Variants in ESRRG observed in about 807,000 individuals in gnomAD.
The protein encoded by ESRRG is estrogen related receptor gamma, also known as estrogen-related receptor gamma.
ESRRG carries 13 observed loss-of-function variants against 44.0 expected under a neutral mutation model. The observed-to-expected ratio is 0.30, with a 90% CI of 0.19 to 0.47. The LOEUF is 0.47. Among genes scored for constraint, ESRRG ranks in the 20% least tolerant of loss-of-function variants. The pLI is 1.00. For missense variants in ESRRG, 395 were observed against 580.6 expected, an observed-to-expected ratio of 0.68 and a Z score of 3.29; for synonymous variants, 215 against 214.6, an observed-to-expected ratio of 1.00 and a Z score of -0.02.
At chr1:216,931,436 T>TTATTCTGGAAAATATTCTGGAA (rs2063327041) in intron 2 of ESRRG, among the ~76,000 whole-genome samples, 1 of 152,138 alleles carries the variant, frequency 6.6e-6, no homozygotes, top group Non-Finnish European at 1.5e-5. Flanking sequence ...TGCTCCTTCC[T>TTATTCTGGAAAATATTCTGGAA]TATTCTGGAA....
At chr1:216,631,057 G>A (rs1017181518) in intron 3 of ESRRG, among the ~76,000 whole-genome samples, 1 of 150,470 alleles carries the variant, frequency 6.6e-6, no homozygotes, top group East Asian at 1.9e-4. Context: ...CTAGGAAGCT[G>A]AGTCCATCAG....
chr1:216,762,795 T>C (rs2092865470), intron 2 of ESRRG, among the ~76,000 whole-genome samples: 1 of 152,032 alleles, frequency 6.6e-6, no homozygotes, highest in Non-Finnish European at 1.5e-5. Context: ...CAACAGTTCT[T>C]AGGTCTAAAA....
chr1:216,675,620 G>T (rs530663925), intron 2 of ESRRG, among the ~76,000 whole-genome samples: 1 of 152,156 alleles, frequency 6.6e-6, no homozygotes, highest in Admixed American at 6.5e-5. Context: ...AGAGCAGGGG[G>T]TCTAAATTTG....
At chr1:217,032,777 A>T in intron 1 of ESRRG, among the ~76,000 whole-genome samples, 1 of 152,232 alleles carries the variant, frequency 6.6e-6, no homozygotes, top group East Asian at 1.9e-4. Flanking sequence ...ATGCTATGAA[A>T]ATATTCTCAT....
intron 1 of ESRRG, among the ~76,000 whole-genome samples, chr1:217,065,402 T>C (rs1403430265): frequency 2.0e-5 from 3 of 152,212 alleles, no homozygotes; most frequent in Non-Finnish European, 4.4e-5. Flanking sequence ...GAAATTCTGT[T>C]GTTAAAGGTG....
intron 2 of ESRRG, among the ~76,000 whole-genome samples, chr1:216,879,433 T>C: frequency 7.1e-6 from 1 of 139,868 alleles, no homozygotes; most frequent in East Asian, 2.1e-4. Flanking sequence ...TGTCCCAGTT[T>C]CATAAAGTGA....
intron 1 of ESRRG, among the ~76,000 whole-genome samples, chr1:217,053,718 T>C (rs371832219): frequency 6.6e-6 from 1 of 152,136 alleles, no homozygotes; most frequent in African/African-American, 2.4e-5. Flanking sequence ...AGTTGTTTTG[T>C]TTTTTACCCT....
At chr1:216,791,448 T>C (rs1401034609) in intron 2 of ESRRG, among the ~76,000 whole-genome samples, 3 of 152,120 alleles carry the variant, frequency 2.0e-5, no homozygotes, top group African/African-American at 7.2e-5. Flanking sequence ...ATTAAACTTC[T>C]GTTCTTATAA....
chr1:217,125,683 A>C (rs533125313), intron 1 of ESRRG, among the ~76,000 whole-genome samples: 1 of 152,360 alleles, frequency 6.6e-6, no homozygotes, highest in African/African-American at 2.4e-5. Context: ...GAACACCTCA[A>C]GTAAGAACAA....
intron 1 of ESRRG, among the ~76,000 whole-genome samples, chr1:217,086,047 T>G (rs2151532123): frequency 6.6e-6 from 1 of 152,312 alleles, no homozygotes; most frequent in African/African-American, 2.4e-5. Context: ...TTTGACTTTA[T>G]GAAGATATTT....
At chr1:216,690,105 T>C (rs2078788901) in intron 1 of ESRRG, among the ~76,000 whole-genome samples, 1 of 152,096 alleles carries the variant, frequency 6.6e-6, no homozygotes. Flanking sequence ...TCCTAGATAT[T>C]CACTACAAGT....
chr1:216,687,553 CT>C (rs1315950883), intron 1 of ESRRG, among the ~76,000 whole-genome samples: 2 of 152,114 alleles, frequency 1.3e-5, no homozygotes. Context: ...AAGAGGAAAC[CT>C]TAGTACTTGG....
At chr1:216,980,250 C>T (rs1373166888) in intron 1 of ESRRG, among the ~76,000 whole-genome samples, 1 of 152,160 alleles carries the variant, frequency 6.6e-6, no homozygotes, top group East Asian at 1.9e-4. Context: ...CAGCTGTTAC[C>T]TCCATGTCTG....
chr1:217,060,019 C>A (rs1437944030), intron 1 of ESRRG, among the ~76,000 whole-genome samples: 1 of 151,726 alleles, frequency 6.6e-6, no homozygotes, highest in Non-Finnish European at 1.5e-5. Flanking sequence ...ATGAAGAATA[C>A]AAAGGATTAT....
intron 2 of ESRRG, among the ~76,000 whole-genome samples, chr1:216,735,987 A>AAAAAAAAAAAAT (rs1453476198): frequency 7.3e-5 from 10 of 137,084 alleles, no homozygotes; most frequent in Admixed American, 1.5e-4. Flanking sequence ...CTCAAAAAAA[A>AAAAAAAAAAAAT]ATATATATAT....
chr1:216,848,680 A>G (rs1414810225), intron 2 of ESRRG, among the ~76,000 whole-genome samples: 1 of 152,070 alleles, frequency 6.6e-6, no homozygotes, highest in African/African-American at 2.4e-5. Flanking sequence ...AATGTTGCCT[A>G]CCAATTTGCA....
At chr1:217,076,667 A>G (rs568366941) in intron 1 of ESRRG, among the ~76,000 whole-genome samples, 1 of 152,330 alleles carries the variant, frequency 6.6e-6, no homozygotes, top group South Asian at 2.1e-4. Context: ...TGAGTTTACG[A>G]ATTAATCTGG....
Position 217,004,102 on chromosome 1 carries a change from T to G in ESRRG, c.-105-64429A>C, listed in dbSNP as rs551487384. Among the ~76,000 whole-genome samples, 6 of 152,166 alleles carry G rather than the reference T, an allele frequency of 3.9e-5. 1 individual carries two copies. In the East Asian group the frequency reaches 1.2e-3, roughly 29 times the overall value. ...AATATTCACCAATGCATAGACTGTG[T>G]TATTAAACAATGTTTACATTTCTAC... On this transcript the variant is annotated intron_variant, in intron 1 of 7. Transcript: ENST00000359162.
At chr1:216,729,478 G>C (rs1448145978) in intron 2 of ESRRG, among the ~76,000 whole-genome samples, 1 of 152,176 alleles carries the variant, frequency 6.6e-6, no homozygotes, top group Non-Finnish European at 1.5e-5. Flanking sequence ...AGGAGTGGGA[G>C]ATACTGGATA....
Sources: gnomAD v4.1 joint callset for allele counts (sites outside exome capture counted in the v4.1 genomes callset) on GRCh38, gnomAD v4.1.1 for gene constraint, MANE v1.5 for transcripts, NCBI Gene and HGNC (gene_info 2026-07-23, HGNC 2026-07-21) for gene names.